Variants in SOX5 observed in about 807,000 individuals in gnomAD.
SOX5 encodes the protein SRY-box transcription factor 5.
SOX5 carries 9 observed loss-of-function variants against 92.0 expected under a neutral mutation model. The observed-to-expected ratio is 0.10, with a 90% CI of 0.06 to 0.17. SOX5 has a LOEUF of 0.17. Among genes scored for constraint, SOX5 ranks in the 10% least tolerant of loss-of-function variants. SOX5 has a pLI of 1.00. For missense variants in SOX5, 642 were observed against 944.5 expected (o/e 0.68, Z 4.20); for synonymous variants, 344 against 336.3 (o/e 1.02, Z -0.25).
At chr12:24,459,461 T>C (rs1004064870) in intron 1 of SOX5, among the ~76,000 whole-genome samples, 8 of 152,226 alleles carry the variant, frequency 5.3e-5, no homozygotes, top group African/African-American at 1.7e-4. Context: ...TGCTAAATAA[T>C]GTCCCCTGCT....
intron 6 of SOX5, among the ~76,000 whole-genome samples, chr12:23,667,766 T>C (rs890690938): frequency 6.6e-6 from 1 of 152,162 alleles, no homozygotes; most frequent in Admixed American, 6.6e-5. Flanking sequence ...GTCCCAGTGA[T>C]TGGTTTTTAT....
intron 4 of SOX5, among the ~76,000 whole-genome samples, chr12:24,205,185 AT>A (rs1555173727): frequency 6.6e-6 from 1 of 152,176 alleles, no homozygotes; most frequent in Non-Finnish European, 1.5e-5. Flanking sequence ...TACTTAAGTT[AT>A]CTGCTTAAAT....
intron 1 of SOX5, among the ~76,000 whole-genome samples, chr12:24,508,346 A>G (rs1948996505): frequency 6.6e-6 from 1 of 152,208 alleles, no homozygotes; most frequent in Non-Finnish European, 1.5e-5. Context: ...GTAGGGGGCC[A>G]GGAATTAGTC....
At chr12:24,221,151 A>T (rs1960315041) in intron 3 of SOX5, among the ~76,000 whole-genome samples, 1 of 152,164 alleles carries the variant, frequency 6.6e-6, no homozygotes, top group South Asian at 2.1e-4. Flanking sequence ...CTGTGTATCA[A>T]TTCCCCATTT....
intron 4 of SOX5, among the ~76,000 whole-genome samples, chr12:24,052,511 C>G (rs1399107236): frequency 6.6e-6 from 1 of 152,074 alleles, no homozygotes; most frequent in Non-Finnish European, 1.5e-5. Flanking sequence ...AGTTAAATTA[C>G]CAATTTAAAC....
chr12:23,539,415 A>T, intron 13 of SOX5, among the ~76,000 whole-genome samples: 1 of 152,272 alleles, frequency 6.6e-6, no homozygotes, highest in East Asian at 1.9e-4. Context: ...TTATAGTTGT[A>T]GAAAGTACAG....
rs76550108 is a variant in SOX5 at position 24,454,620 on chromosome 12, A to G, written c.-250-85981T>C. 2.6e-3 allele frequency among the ~76,000 whole-genome samples: 401 copies of G among 152,312 alleles called. 15 individuals are homozygous for G. In the East Asian group the frequency reaches 0.073, roughly 28 times the overall value. ...CATTGACCCTCCATCTTTGGAAGCAAAAGACTTAATCCAAAAACCTCTGGT... is the reference window on the plus strand; with the variant it reads ...CATTGACCCTCCATCTTTGGAAGCAGAAGACTTAATCCAAAAACCTCTGGT... On this transcript the variant is annotated intron_variant, in intron 1 of 4. Transcript: ENST00000446891.
intron 4 of SOX5, among the ~76,000 whole-genome samples, chr12:24,060,411 G>T (rs1939444252): frequency 6.6e-6 from 1 of 152,172 alleles, no homozygotes; most frequent in African/African-American, 2.4e-5. Context: ...CATGGGCTTT[G>T]GAATCAGACA....
intron 3 of SOX5, among the ~76,000 whole-genome samples, chr12:24,216,312 T>A (rs911888437): frequency 6.6e-6 from 1 of 151,698 alleles, no homozygotes; most frequent in Admixed American, 6.6e-5. Flanking sequence ...TGAAACCCCG[T>A]GTCTACTAAA....
At chr12:23,726,843 T>C (rs1325467709) in intron 6 of SOX5, among the ~76,000 whole-genome samples, 1 of 152,138 alleles carries the variant, frequency 6.6e-6, no homozygotes, top group African/African-American at 2.4e-5. Context: ...CAGATTTGGA[T>C]AAAATGTTCC....
chr12:23,927,305 T>A (rs554547108), intron 1 of SOX5, among the ~76,000 whole-genome samples: 4 of 152,056 alleles, frequency 2.6e-5, no homozygotes, highest in Admixed American at 2.0e-4. Flanking sequence ...TGGAGGTATA[T>A]CACTTTTGTG....
At chr12:23,912,342 G>A (rs2097361013) in intron 1 of SOX5, among the ~76,000 whole-genome samples, 1 of 152,088 alleles carries the variant, frequency 6.6e-6, no homozygotes, top group African/African-American at 2.4e-5. Flanking sequence ...AAAAAGGACA[G>A]ACAATAACAA....
At chr12:23,905,891 G>T (rs2097288732) in intron 1 of SOX5, among the ~76,000 whole-genome samples, 1 of 152,192 alleles carries the variant, frequency 6.6e-6, no homozygotes, top group Middle Eastern at 3.4e-3. Context: ...ATTAAAAATT[G>T]TAATAATTTT....
At chr12:24,301,951 GTA>G (rs112817665) in intron 2 of SOX5, among the ~76,000 whole-genome samples, 32 of 151,066 alleles carry the variant, frequency 2.1e-4, no homozygotes, top group Non-Finnish European at 3.0e-4. Flanking sequence ...TTGCTACAAA[GTA>G]TATATATATA....
At chr12:23,854,468 A>G (rs2096666380) in intron 2 of SOX5, among the ~76,000 whole-genome samples, 1 of 151,604 alleles carries the variant, frequency 6.6e-6, no homozygotes, top group African/African-American at 2.4e-5. Context: ...TAATTGTATA[A>G]TCTAGGGCAA....
intron 4 of SOX5, among the ~76,000 whole-genome samples, chr12:23,959,748 G>A (rs1355670304): frequency 6.6e-6 from 1 of 151,994 alleles, no homozygotes; most frequent in Non-Finnish European, 1.5e-5. Flanking sequence ...TCAAAGAAAA[G>A]GAAATAGAAA....
chr12:23,915,734 G>A (rs2138600338), intron 1 of SOX5, among the ~76,000 whole-genome samples: 1 of 152,274 alleles, frequency 6.6e-6, no homozygotes, highest in East Asian at 1.9e-4. Flanking sequence ...TGCTTCTTTA[G>A]GAGATGCTGA....
rs568942007 is a variant in SOX5 at position 23,823,894 on chromosome 12, G to A, written c.481+22089C>T. On this transcript the variant is annotated intron_variant, in intron 3 of 14. Coordinates refer to ENST00000451604, the MANE Select transcript of SOX5 (RefSeq NM_006940.6). ...TTCAATCTCTGATAGCCTTTCTTTC[G>A]TTTATTTGATTCAGCTGTTGATACT... Among the ~76,000 whole-genome samples the A allele has an allele frequency of 7.9e-5, 12 of 152,030 alleles. No homozygotes were observed. The South Asian group carries it at 1.9e-3, about 24-fold the overall frequency.
intron 2 of SOX5, among the ~76,000 whole-genome samples, chr12:24,329,446 A>G (rs1212865310): frequency 1.3e-5 from 2 of 152,140 alleles, no homozygotes; most frequent in Admixed American, 1.3e-4. Flanking sequence ...AACATGGGGG[A>G]AAAGGCCCCC....
Sources: allele counts gnomAD v4.1 joint callset (sites outside exome capture counted in the v4.1 genomes callset), GRCh38; gene constraint gnomAD v4.1.1; transcripts MANE v1.5; gene names NCBI Gene and HGNC (gene_info 2026-07-23, HGNC 2026-07-21).